Variants in HAAO observed in about 807,000 individuals in gnomAD.
The protein encoded by HAAO is 3-hydroxyanthranilate 3,4-dioxygenase, also known as 3-hydroxyanthranilate oxygenase.
HAAO carries 49 observed loss-of-function variants against 46.2 expected under a neutral mutation model. The observed-to-expected ratio is 1.06, with a 90% CI of 0.84 to 1.34. HAAO has a LOEUF of 1.34. Ranked by LOEUF, HAAO falls within the 40% of genes most tolerant of loss-of-function variation. The pLI is 0.00. For missense variants in HAAO, 408 were observed against 364.5 expected, an observed-to-expected ratio of 1.12 and a Z score of -0.97; for synonymous variants, 157 against 145.2, an observed-to-expected ratio of 1.08 and a Z score of -0.58.
chr2:42,781,558 A>G (rs775011364), intron 4 of HAAO, among the ~76,000 whole-genome samples: 6 of 152,204 alleles, frequency 3.9e-5, no homozygotes, highest in Admixed American at 6.5e-5. Context: ...ATCAAAGCCA[A>G]TTTAAAAGCC....
At chr2:42,773,250 G>A (rs898721553) in intron 4 of HAAO, among the ~76,000 whole-genome samples, 11 of 152,330 alleles carry the variant, frequency 7.2e-5, no homozygotes, top group Non-Finnish European at 1.5e-4. Context: ...CCATAGGATC[G>A]CTGGGAAGAT....
chr2:42,791,898 A>G (rs1209065273), intron 1 of HAAO, among the ~76,000 whole-genome samples: 2 of 95,398 alleles, frequency 2.1e-5, no homozygotes, highest in Non-Finnish European at 4.1e-5. Flanking sequence ...CTACTGGCAG[A>G]GGTGGCCTAG....
At position 42,767,383 on chromosome 2, in the gene HAAO, G is replaced by A. The variant is rs887035387; in HGVS notation, c.*54C>T. ...GCTGGGAGAGTTGTTTGGCAGGGATGGCACTCGAGGGTGCTTGGCACACCT... is the reference window on the plus strand; with the variant it reads ...GCTGGGAGAGTTGTTTGGCAGGGATAGCACTCGAGGGTGCTTGGCACACCT... On this transcript the variant is annotated 3_prime_UTR_variant, in exon 10 of 10. Coordinates refer to ENST00000294973, the MANE Select transcript of HAAO (RefSeq NM_012205.3). The A allele has an allele frequency of 3.2e-6, 4 of 1,236,128 alleles. No individual in the cohort carries two copies. Among genetic ancestry groups the A allele is most frequent in the African/African-American group, 2.9e-5 (2 of 68,000 alleles). The allele number at this position is 1,236,128 out of a possible 1,614,324, so 76.6% of individuals were successfully genotyped here. A position where few individuals can be genotyped will look rare whatever the true frequency, so the allele number is the denominator to read the frequency against.
chr2:42,785,995 C>A (rs1672353264), intron 2 of HAAO, among the ~76,000 whole-genome samples: 1 of 147,088 alleles, frequency 6.8e-6, no homozygotes, highest in South Asian at 2.1e-4. Context: ...ACTCTCCAAG[C>A]TGGGAGGAAG....
At chr2:42,775,915 C>T (rs1444543981) in intron 4 of HAAO, among the ~76,000 whole-genome samples, 2 of 119,154 alleles carry the variant, frequency 1.7e-5, no homozygotes, top group African/African-American at 3.3e-5. Flanking sequence ...GTTACTCTTA[C>T]TCTTGAGTTT....
intron 7 of HAAO, 69 bp from the exon 8 acceptor site, chr2:42,767,997 C>T (rs1670800824): frequency 7.3e-7 from 1 of 1,363,744 alleles, no homozygotes; most frequent in Non-Finnish European, 1.0e-6. Flanking sequence ...TGAACCTGGC[C>T]CCCAGACACC....
intron 4 of HAAO, among the ~76,000 whole-genome samples, chr2:42,774,416 C>A (rs1488998117): frequency 4.6e-5 from 7 of 152,096 alleles, no homozygotes; most frequent in African/African-American, 1.7e-4. Context: ...GTGGGAGCAC[C>A]CCCTCTAGAG....
At chr2:42,768,198 C>T (rs1670815824) in intron 7 of HAAO, among the ~76,000 whole-genome samples, 1 of 151,424 alleles carries the variant, frequency 6.6e-6, no homozygotes, top group South Asian at 2.1e-4. Flanking sequence ...GATGTGTGCT[C>T]ATGCGAAGGC....
chr2:42,772,532 T>C (rs937185811), intron 4 of HAAO, among the ~76,000 whole-genome samples: 2 of 150,894 alleles, frequency 1.3e-5, no homozygotes, highest in Non-Finnish European at 3.0e-5. Flanking sequence ...AAAAAAGATA[T>C]AGGTAAGCAT....
At chr2:42,783,715 T>C (rs1376948624) in intron 3 of HAAO, 69 bp downstream of exon 3, 1 of 1,340,088 alleles carries the variant, frequency 7.5e-7, no homozygotes, top group Non-Finnish European at 1.1e-6. Flanking sequence ...AGGGCCAGGA[T>C]GAGTGGACAG....
At chr2:42,783,566 C>G (rs1672167032) in intron 3 of HAAO, 146 bp from the exon 4 acceptor site, 2 of 678,800 alleles carry the variant, frequency 2.9e-6, no homozygotes, top group African/African-American at 3.6e-5. Context: ...TCTGCCCAGC[C>G]TCTACACCAG....
chr2:42,767,390 G>A lies in HAAO; in HGVS notation c.*47C>T, dbSNP rs376184741. The A allele has an allele frequency of 5.9e-6, 8 of 1,356,170 alleles. No individual in the cohort carries two copies. Among genetic ancestry groups the A allele is most frequent in the African/African-American group, 4.3e-5 (3 of 70,114 alleles). The allele number at this position is 1,356,170 out of a possible 1,614,324, so 84.0% of individuals were successfully genotyped here. On this transcript the variant is annotated 3_prime_UTR_variant, in exon 10 of 10. Coordinates refer to ENST00000294973, the MANE Select transcript of HAAO (RefSeq NM_012205.3). ...GAGTTGTTTGGCAGGGATGGCACTC[G>A]AGGGTGCTTGGCACACCTGTGGCTG...
In HAAO at chr2:42,780,886, T is replaced by C. The variant is rs546001991; in HGVS notation, c.350+2428A>G. Among the ~76,000 whole-genome samples the C allele has an allele frequency of 2.8e-3, 370 of 132,914 alleles. 3 individuals are homozygous for C. Among genetic ancestry groups the C allele is most frequent in the African/African-American group, 0.01 (347 of 33,140 alleles). 87.2% of individuals were successfully genotyped at this position (132,914 alleles called of 152,430 possible). On this transcript the variant is annotated intron_variant, in intron 4 of 9. Coordinates refer to ENST00000294973, the MANE Select transcript of HAAO (RefSeq NM_012205.3). Reference sequence around the variant, plus strand: ...AGCGAGACCATCCTGGCTAACATGGTGAAACCCTGTCTCTACTAAAAATAC... The same window carrying C: ...AGCGAGACCATCCTGGCTAACATGGCGAAACCCTGTCTCTACTAAAAATAC...
intron 4 of HAAO, among the ~76,000 whole-genome samples, chr2:42,771,392 A>G (rs1671102510): frequency 6.6e-6 from 1 of 151,498 alleles, no homozygotes; most frequent in African/African-American, 2.4e-5. Flanking sequence ...GCACCGCCGC[A>G]TTCCAGCCTG....
chr2:42,785,293 A>G (rs1035650096), intron 2 of HAAO, among the ~76,000 whole-genome samples: 1 of 152,244 alleles, frequency 6.6e-6, no homozygotes, highest in African/African-American at 2.4e-5. Context: ...GGAGAAATGT[A>G]AATATTTGAT....
At chr2:42,778,723 CA>C (rs1671770857) in intron 4 of HAAO, among the ~76,000 whole-genome samples, 1 of 152,150 alleles carries the variant, frequency 6.6e-6, no homozygotes, top group Non-Finnish European at 1.5e-5. Context: ...TCCTGAAACA[CA>C]GGGACAGAAA....
At chr2:42,792,112 C>A (rs1484104634) in intron 1 of HAAO, among the ~76,000 whole-genome samples, 1 of 152,152 alleles carries the variant, frequency 6.6e-6, no homozygotes, top group African/African-American at 2.4e-5. Flanking sequence ...TGAAAACCAC[C>A]CTCCCCACAC....
intron 4 of HAAO, among the ~76,000 whole-genome samples, chr2:42,773,745 C>A (rs534500530): frequency 2.6e-5 from 4 of 152,150 alleles, no homozygotes; most frequent in African/African-American, 7.2e-5. Flanking sequence ...CGCCACCACG[C>A]CCGACTAATT....
In HAAO at chr2:42,770,533, A is replaced by G. The variant is rs1283240289; in HGVS notation, c.400T>C (p.Cys134Arg). Residue 134 changes from cysteine to arginine, a missense_variant, in exon 5 of 10, where the codon TGC (cysteine) becomes CGC (arginine). Physicochemically the swap from Cys to Arg is radical, Grantham distance 180 (BLOSUM62 -3). Transcript: ENST00000294973. The part of the protein sequence containing the change: ...MDVLFEKWFY[C>R]KDLGTQLAPI... ...GCCAACTGCGTGCCGAGGTCCTTGC[A>G]GTAGAACCACTTCTCAAACAGAACG... 2 of 1,553,480 alleles carry G rather than the reference A, an allele frequency of 1.3e-6. No individual in the cohort carries two copies. Among genetic ancestry groups the G allele is most frequent in the Admixed American group, 1.9e-5 (1 of 51,284 alleles).
Sources: gnomAD v4.1 joint callset for allele counts (sites outside exome capture counted in the v4.1 genomes callset) on GRCh38, gnomAD v4.1.1 for gene constraint, MANE v1.5 for transcripts, NCBI Gene and HGNC (gene_info 2026-07-23, HGNC 2026-07-21) for gene names.